ASB7: variants seen among roughly 807,000 people sequenced by gnomAD.
ASB7 encodes the protein ankyrin repeat and SOCS box containing 7.
In ASB7, 4 loss-of-function variants were observed where a neutral mutation model predicts 32.5. The ratio of observed to expected loss-of-function variants is 0.12; its 90% CI spans 0.06 to 0.28. The LOEUF (loss-of-function observed/expected upper bound fraction) is 0.28. Among genes scored for constraint, ASB7 ranks in the 10% least tolerant of loss-of-function variants. ASB7 has a pLI of 1.00. For missense variants in ASB7, 181 were observed against 407.1 expected, an observed-to-expected ratio of 0.44 and a Z score of 4.78; for synonymous variants, 172 against 155.6, an observed-to-expected ratio of 1.11 and a Z score of -0.78.
chr15:100,639,069 C>T (rs1486652450), intron 5 of ASB7, among the ~76,000 whole-genome samples: 1 of 152,196 alleles, frequency 6.6e-6, no homozygotes, highest in African/African-American at 2.4e-5. Context: ...TGTTCAAAGA[C>T]TGGAAGCAAC....
At chr15:100,626,702 T>C (rs991528007) in intron 4 of ASB7, among the ~76,000 whole-genome samples, 1 of 152,090 alleles carries the variant, frequency 6.6e-6, no homozygotes, top group East Asian at 1.9e-4. Flanking sequence ...TAGGCTCAAA[T>C]TGGTAAGAAC....
intron 5 of ASB7, among the ~76,000 whole-genome samples, chr15:100,635,692 G>T (rs1162629645): frequency 6.6e-6 from 1 of 152,158 alleles, no homozygotes; most frequent in Non-Finnish European, 1.5e-5. Context: ...TGTGGGGAGG[G>T]CCAGTGGTCT....
chr15:100,625,772 T>C (rs2039831900), intron 4 of ASB7, among the ~76,000 whole-genome samples: 1 of 152,202 alleles, frequency 6.6e-6, no homozygotes, highest in Admixed American at 6.5e-5. Context: ...TATTAAAACT[T>C]ACTATAAGCT....
chr15:100,647,724 TCTG>T (rs2040005781), intron 5 of ASB7, among the ~76,000 whole-genome samples: 2 of 152,284 alleles, frequency 1.3e-5, no homozygotes, highest in South Asian at 4.1e-4. Flanking sequence ...CAACCAAGGT[TCTG>T]CTGTGTTCAG....
intron 4 of ASB7, among the ~76,000 whole-genome samples, chr15:100,627,038 T>A (rs1426145844): frequency 6.6e-6 from 1 of 152,044 alleles, no homozygotes; most frequent in Non-Finnish European, 1.5e-5. Flanking sequence ...TTATCAAAGC[T>A]CATCATCTGT....
chr15:100,603,165 C>T (rs546031508), intron 1 of ASB7, 50 bp from the exon 2 acceptor site: 12 of 393,924 alleles, frequency 3.0e-5, no homozygotes, highest in Non-Finnish European at 4.5e-6. Flanking sequence ...TGAGCTCCCC[C>T]CTCCCCACCT....
chr15:100,603,304 G>A lies in ASB7; in HGVS notation c.-183G>A. 1 of 285,848 alleles carries A rather than the reference G, an allele frequency of 3.5e-6. No individual in the cohort carries two copies. Among genetic ancestry groups the A allele is most frequent in the East Asian group, 6.0e-5 (1 of 16,570 alleles). 17.7% of individuals were successfully genotyped at this position (285,848 alleles called of 1,614,324 possible). ...AGGCACAGTGCCTCTGACCAGCATCGTCTGTAAAGGTAATGAGCCAGCCCT... is the reference window on the plus strand; with the variant it reads ...AGGCACAGTGCCTCTGACCAGCATCATCTGTAAAGGTAATGAGCCAGCCCT... On this transcript the variant is annotated 5_prime_UTR_variant, in exon 2 of 6. Coordinates refer to ENST00000332783, the MANE Select transcript of ASB7 (RefSeq NM_198243.3).
intron 5 of ASB7, among the ~76,000 whole-genome samples, chr15:100,631,055 C>T (rs2039879522): frequency 1.3e-5 from 2 of 152,120 alleles, no homozygotes; most frequent in African/African-American, 4.8e-5. Flanking sequence ...TACACATTTG[C>T]TTTATGAAGA....
In ASB7 at chr15:100,648,927, C is replaced by T. The variant is rs1567120117; in HGVS notation, c.*465C>T. On this transcript the variant is annotated 3_prime_UTR_variant, in exon 6 of 6. Coordinates refer to ENST00000332783, the MANE Select transcript of ASB7 (RefSeq NM_198243.3). ...ATGCCCTAAGAAATGTTTGAAGTAA[C>T]GCTGTCACCTCATTCATTTTTAATG... 1.3e-5 allele frequency: 2 copies of T among 152,752 alleles called. No individual in the cohort carries two copies. Among genetic ancestry groups the T allele is most frequent in the Non-Finnish European group, 2.9e-5 (2 of 68,164 alleles). The allele number at this position is 152,752 out of a possible 1,614,324, so 9.5% of individuals were successfully genotyped here. A position where few individuals can be genotyped will look rare whatever the true frequency, so the allele number is the denominator to read the frequency against.
chr15:100,610,224 G>T (rs1020232052), intron 3 of ASB7, among the ~76,000 whole-genome samples: 1 of 152,076 alleles, frequency 6.6e-6, no homozygotes, highest in Non-Finnish European at 1.5e-5. Flanking sequence ...GCCGGGCGCA[G>T]TGGCTCACGC....
rs1429665743 is a variant in ASB7, at chr15:100,602,822, T to TCCTCCCTG, written c.-487_-480dup. ...CTGCCCCCCCACCCGAGCCAGGACTTCCTCCCTGCCTCCCTGCACCTCTGC... is the reference window on the plus strand; with the variant it reads ...CTGCCCCCCCACCCGAGCCAGGACTTCCTCCCTGCCTCCCTGCCTCCCTGCACCTCTGC... On this transcript the variant is annotated 5_prime_UTR_variant, in exon 1 of 6. The change creates a premature stop within an existing upstream ORF in the 5' untranslated region. Transcript: ENST00000332783. 5.1e-6 allele frequency: 2 copies of TCCTCCCTG among 392,104 alleles called. No homozygotes were observed. Among genetic ancestry groups the TCCTCCCTG allele is most frequent in the African/African-American group, 2.1e-5 (1 of 48,280 alleles). 24.3% of individuals were successfully genotyped at this position (392,104 alleles called of 1,614,324 possible).
chr15:100,628,570 C>T (rs184332583), intron 4 of ASB7, among the ~76,000 whole-genome samples: 2 of 152,228 alleles, frequency 1.3e-5, no homozygotes, highest in East Asian at 3.9e-4. Context: ...AGTCCTCGTC[C>T]GTCTTCTGCC....
At position 100,629,585 on chromosome 15, in the gene ASB7, C is replaced by A. The variant is rs747916749; in HGVS notation, c.360C>A (p.Pro120=). ...INAKSNDGWT[P]LHVAAHYGRD... ...CAAAAAGCAATGACGGCTGGACTCCCCTCCATGTGGCTGCCCACTACGGCA... is the reference window on the plus strand; with the variant it reads ...CAAAAAGCAATGACGGCTGGACTCCACTCCATGTGGCTGCCCACTACGGCA... Residue 120 remains proline (P), a synonymous_variant, in exon 5 of 6, where the codon CCC becomes CCA. Transcript: ENST00000332783. This position sits in a 1 kb window ranked among gnomAD's most constrained non-coding sequence, Gnocchi z 6.8. 6.2e-7 allele frequency: 1 copy of A among 1,614,092 alleles called. No homozygotes were observed. The highest frequency in any genetic ancestry group is 1.3e-5 in the African/African-American group (1 of 74,930).
At chr15:100,621,810 A>C (rs1431622392) in intron 4 of ASB7, among the ~76,000 whole-genome samples, 2 of 152,084 alleles carry the variant, frequency 1.3e-5, no homozygotes, top group Non-Finnish European at 2.9e-5. Flanking sequence ...AAAAACAAAT[A>C]AGGATTCTTT....
rs78402474 is a variant in ASB7, at chr15:100,602,651, G to A, written c.-668G>A. On this transcript the variant is annotated 5_prime_UTR_variant, in exon 1 of 6. Transcript: ENST00000332783. The stretch of plus-strand genomic sequence containing the variant: ...GCCCAGTGCAAAGTGCATCCCGAAA[G>A]CCCCCTGTCCGGAGACCCCACGGCT... The A allele has an allele frequency of 0.045, 11,438 of 253,532 alleles. 324 individuals are homozygous for A. The highest frequency in any genetic ancestry group is 0.078 in the Middle Eastern group (68 of 870). 15.7% of individuals were successfully genotyped at this position (253,532 alleles called of 1,614,324 possible). A position where few individuals can be genotyped will look rare whatever the true frequency, so the allele number is the denominator to read the frequency against.
rs1380683365 is a variant in ASB7 at position 100,648,504 on chromosome 15, T to C, written c.*42T>C. 1 of 1,523,854 alleles carries C rather than the reference T, an allele frequency of 6.6e-7. No individual in the cohort carries two copies. The highest frequency in any genetic ancestry group is 1.4e-5 in the African/African-American group (1 of 71,446). The allele number at this position is 1,523,854 out of a possible 1,614,324, so 94.4% of individuals were successfully genotyped here. On this transcript the variant is annotated 3_prime_UTR_variant, in exon 6 of 6. Coordinates refer to ENST00000332783, the MANE Select transcript of ASB7 (RefSeq NM_198243.3). The stretch of plus-strand genomic sequence containing the variant: ...GCAAGATTAGGAGTTCTATTCTAGA[T>C]ACTTAAAAGGCTTTTTGCCTTGCAC...
At chr15:100,603,134 G>A (rs1054234904) in intron 1 of ASB7, 81 bp from the exon 2 acceptor site, 2 of 397,128 alleles carry the variant, frequency 5.0e-6, no homozygotes, top group Non-Finnish European at 4.4e-6. Context: ...GCCTGCCCTT[G>A]CCACTCTCCA....
chr15:100,602,923 T>C lies in ASB7; in HGVS notation c.-396T>C. 2.5e-6 allele frequency: 1 copy of C among 398,828 alleles called. No homozygotes were observed. Among genetic ancestry groups the C allele is most frequent in the Non-Finnish European group, 4.4e-6 (1 of 226,306 alleles). 24.7% of individuals were successfully genotyped at this position (398,828 alleles called of 1,614,324 possible). A position where few individuals can be genotyped will look rare whatever the true frequency, so the allele number is the denominator to read the frequency against. On this transcript the variant is annotated 5_prime_UTR_variant, in exon 1 of 6. It removes the in-frame stop codon of an upstream open reading frame in the 5' UTR. Transcript: ENST00000332783. ...TCGGATGTTCGCCGGGCTGGGGCCG[T>C]GAGGCACCGAGGAGGATCAGGAACA...
intron 4 of ASB7, among the ~76,000 whole-genome samples, chr15:100,617,726 T>C (rs2039755828): frequency 6.6e-6 from 1 of 152,246 alleles, no homozygotes; most frequent in Non-Finnish European, 1.5e-5. Context: ...GCGTAATGAA[T>C]TGTTTTATAG....
Sources: gnomAD v4.1 joint callset for allele counts (sites outside exome capture counted in the v4.1 genomes callset) on GRCh38, gnomAD v4.1.1 for gene constraint, Gnocchi (gnomAD v3.1) non-coding constraint, MANE v1.5 for transcripts, NCBI Gene and HGNC (gene_info 2026-07-23, HGNC 2026-07-21) for gene names.